The following CFAP95 variants were observed in gnomAD, a reference collection of about 807,000 sequenced individuals.
CFAP95 encodes the protein cilia- and flagella-associated protein 95.
chr9:69,882,888 G>C, the CFAP95 span, among the ~76,000 whole-genome samples: 2 of 152,152 alleles, frequency 1.3e-5, no homozygotes, highest in African/African-American at 4.8e-5. Flanking sequence ...ATATTCATTA[G>C]AGATACTGGC....
the CFAP95 span, chr9:69,906,003 C>G: frequency 6.2e-7 from 1 of 1,612,326 alleles, no homozygotes. Flanking sequence ...AAATGCCGTT[C>G]TCAGTTCACG....
the CFAP95 span, among the ~76,000 whole-genome samples, chr9:69,864,420 C>A: frequency 6.6e-6 from 1 of 151,982 alleles, no homozygotes; most frequent in Non-Finnish European, 1.5e-5. Context: ...TCTAGGCCTG[C>A]AATAAACCTG....
chr9:69,833,333 C>T, the CFAP95 span, among the ~76,000 whole-genome samples: 198 of 152,216 alleles, frequency 1.3e-3, no homozygotes, highest in African/African-American at 4.3e-3. Context: ...TAGTTTTTAT[C>T]AATACTTCAT....
the CFAP95 span, chr9:69,902,450 G>T: frequency 1.4e-4 from 51 of 352,720 alleles, 1 homozygote; most frequent in South Asian, 1.1e-3. Flanking sequence ...TTAGAAGCTG[G>T]TATGACTTTT....
the CFAP95 span, among the ~76,000 whole-genome samples, chr9:69,852,733 C>T: frequency 6.6e-6 from 1 of 152,154 alleles, no homozygotes; most frequent in Non-Finnish European, 1.5e-5. Context: ...CCACCCAAAT[C>T]TCATCTTGTA....
the CFAP95 span, among the ~76,000 whole-genome samples, chr9:69,884,137 T>G: frequency 6.6e-6 from 1 of 152,222 alleles, no homozygotes; most frequent in Non-Finnish European, 1.5e-5. Flanking sequence ...CTTCTTAATG[T>G]TTTCATTAAG....
At chr9:69,888,490 T>C in the CFAP95 span, among the ~76,000 whole-genome samples, 12 of 152,258 alleles carry the variant, frequency 7.9e-5, no homozygotes, top group African/African-American at 2.6e-4. Flanking sequence ...CTAGTAAATA[T>C]AGGGAACACA....
chr9:69,836,709 TTTTATTTA>T, the CFAP95 span, among the ~76,000 whole-genome samples: 3 of 145,036 alleles, frequency 2.1e-5, no homozygotes, highest in Non-Finnish European at 3.0e-5. Flanking sequence ...TTTTTTTACA[TTTTATTTA>T]TTTATTTATT....
the CFAP95 span, among the ~76,000 whole-genome samples, chr9:69,858,915 C>T: frequency 1.3e-5 from 2 of 152,148 alleles, no homozygotes; most frequent in African/African-American, 4.8e-5. Context: ...TAAACATAAA[C>T]TTTCATTATG....
At chr9:69,887,124 T>C in the CFAP95 span, among the ~76,000 whole-genome samples, 1 of 152,228 alleles carries the variant, frequency 6.6e-6, no homozygotes. Flanking sequence ...CTAAAGTATA[T>C]TAGACACTTT....
At chr9:69,884,660 G>GT in the CFAP95 span, 71,616 of 150,056 alleles carry the variant, frequency 0.48, 17,099 homozygotes, top group Middle Eastern at 0.69. Flanking sequence ...CAAATAGGAG[G>GT]TTTTTTTTTT....
chr9:69,876,656 A>T, the CFAP95 span, among the ~76,000 whole-genome samples: 1 of 151,662 alleles, frequency 6.6e-6, no homozygotes, highest in African/African-American at 2.4e-5. Flanking sequence ...TTTTTTTGAG[A>T]TGGAGTCTTG....
the CFAP95 span, among the ~76,000 whole-genome samples, chr9:69,842,831 A>G: frequency 3.3e-5 from 5 of 152,278 alleles, no homozygotes; most frequent in East Asian, 9.7e-4. Flanking sequence ...ATGTGAGGAG[A>G]GAAGAGGGCT....
the CFAP95 span, among the ~76,000 whole-genome samples, chr9:69,850,693 T>C: frequency 6.6e-6 from 1 of 152,322 alleles, no homozygotes; most frequent in South Asian, 2.1e-4. Flanking sequence ...TGTTTATAAA[T>C]GGAATATTTT....
the CFAP95 span, among the ~76,000 whole-genome samples, chr9:69,887,397 G>C: frequency 1.3e-5 from 2 of 152,120 alleles, no homozygotes; most frequent in Admixed American, 6.5e-5. Context: ...ACATGAGATA[G>C]AAATAAGATA....
chr9:69,868,662 C>CAA, the CFAP95 span, among the ~76,000 whole-genome samples: 66 of 121,074 alleles, frequency 5.5e-4, no homozygotes, highest in Non-Finnish European at 7.0e-4. Flanking sequence ...ACTCTGTCTC[C>CAA]AAAAAAAAAA....
At chr9:69,895,367 C>CTG in the CFAP95 span, among the ~76,000 whole-genome samples, 262 of 111,254 alleles carry the variant, frequency 2.4e-3, 1 homozygote, top group African/African-American at 9.0e-3. Context: ...CTCTCTCTCT[C>CTG]TCTGTGTGTG....
chr9:69,850,967 T>C, the CFAP95 span, among the ~76,000 whole-genome samples: 1 of 152,224 alleles, frequency 6.6e-6, no homozygotes, highest in African/African-American at 2.4e-5. Flanking sequence ...CTATTTATTC[T>C]AGCAAATATC....
the CFAP95 span, among the ~76,000 whole-genome samples, chr9:69,829,239 T>C: frequency 6.6e-6 from 1 of 152,200 alleles, no homozygotes; most frequent in East Asian, 1.9e-4. Context: ...CACTATATTT[T>C]TTATTTTTCA....
Sources: allele counts gnomAD v4.1 joint callset (sites outside exome capture counted in the v4.1 genomes callset), GRCh38; gene constraint gnomAD v4.1.1; transcripts MANE v1.5; gene names NCBI Gene and HGNC (gene_info 2026-07-23, HGNC 2026-07-21).